Variants in EPG5 observed in about 807,000 individuals in gnomAD.
EPG5 encodes the protein ectopic P-granules 5 autophagy tethering factor.
A neutral mutation model predicts 302.7 loss-of-function variants in EPG5; 159 were observed. The ratio of observed to expected loss-of-function variants is 0.53; its 90% CI spans 0.46 to 0.60. The LOEUF (loss-of-function observed/expected upper bound fraction) is 0.60, where lower values mean the gene tolerates loss of function less well. EPG5 is among the 20% of genes least tolerant of loss of function. EPG5 has a pLI of 0.00. For synonymous variants in EPG5, 1,158 were observed against 1,136.8 expected (o/e 1.02, Z -0.37); for missense variants, 2,896 against 3,092.4 (o/e 0.94, Z 1.51).
rs372581222 is a variant in EPG5, at chr18:45,943,208, A to G, written c.1896T>C (p.Asn632=). 6.2e-7 allele frequency: 1 copy of G among 1,614,074 alleles called. No homozygotes were observed. The highest frequency in any genetic ancestry group is 1.1e-5 in the South Asian group (1 of 91,090). The change falls in exon 9 of 44, where the codon AAT becomes AAC. Residue 632 remains asparagine (N), a synonymous_variant. Transcript: ENST00000282041. ...TCACAAACTGCCTATAGCGTGCTCT[A>G]TTAAAGGTTTCTAACCCCACAGCCA... The part of the protein sequence containing the change: ...ELLAVGLETF[N]RARYRQFVKR...
the EPG5 span, among the ~76,000 whole-genome samples, chr18:45,810,178 C>T: frequency 6.6e-6 from 1 of 152,068 alleles, no homozygotes; most frequent in African/African-American, 2.4e-5. Context: ...GAATTAAACA[C>T]CCTGCACAGA....
chr18:45,810,235 C>T, the EPG5 span, among the ~76,000 whole-genome samples: 1 of 151,970 alleles, frequency 6.6e-6, no homozygotes, highest in African/African-American at 2.4e-5. Context: ...AAATTACCAA[C>T]AAAAAAAGGC....
chr18:45,807,904 T>A, the EPG5 span, among the ~76,000 whole-genome samples: 1 of 151,842 alleles, frequency 6.6e-6, no homozygotes, highest in Non-Finnish European at 1.5e-5. Flanking sequence ...GAAAAAGAAT[T>A]CAGGAGGTTA....
At chr18:45,868,997 G>T (rs2048812980) in intron 36 of EPG5, among the ~76,000 whole-genome samples, 1 of 151,276 alleles carries the variant, frequency 6.6e-6, no homozygotes, top group East Asian at 2.0e-4. Context: ...GGAGCTTGCA[G>T]TGAGCCAAGA....
At chr18:45,908,166 C>A (rs2049804428) in intron 23 of EPG5, 85 bp from the exon 24 acceptor site, 2 of 1,102,586 alleles carry the variant, frequency 1.8e-6, no homozygotes, top group Admixed American at 3.0e-5. Flanking sequence ...ACACTGGCAC[C>A]CCTACATAAG....
the EPG5 span, chr18:45,825,910 C>A: frequency 6.4e-6 from 7 of 1,090,368 alleles, no homozygotes; most frequent in Non-Finnish European, 8.1e-6. Flanking sequence ...GGAGGAAGAG[C>A]TGCGCTTGGG....
intron 4 of EPG5, among the ~76,000 whole-genome samples, chr18:45,950,759 A>G (rs59074776): frequency 0.024 from 3,596 of 152,306 alleles, 144 homozygotes; most frequent in African/African-American, 0.082. Context: ...GGAATTTTGG[A>G]TCATTTCAGA....
At chr18:45,943,137 AG>A in intron 9 of EPG5, 23 bp downstream of exon 9, 1 of 1,609,996 alleles carries the variant, frequency 6.2e-7, no homozygotes, top group Non-Finnish European at 8.5e-7. Flanking sequence ...GGAACAGAGA[AG>A]GGTAGAGCAA....
chr18:45,812,786 A>G, the EPG5 span, among the ~76,000 whole-genome samples: 3 of 152,170 alleles, frequency 2.0e-5, no homozygotes. Context: ...GATTAAAGAC[A>G]TAAAAGTTAG....
At chr18:45,894,851 C>T (rs542368456) in intron 27 of EPG5, among the ~76,000 whole-genome samples, 5 of 152,114 alleles carry the variant, frequency 3.3e-5, no homozygotes, top group East Asian at 1.9e-4. Context: ...TTATGAAGGG[C>T]GCTAAGGGTC....
chr18:45,933,866 GT>G (rs200791827), intron 11 of EPG5, among the ~76,000 whole-genome samples: 7 of 150,398 alleles, frequency 4.7e-5, no homozygotes, highest in Admixed American at 4.6e-4. Context: ...TATCTTTGGT[GT>G]TTTTTTTTAG....
chr18:45,866,952 ACAAG>A lies in EPG5; in HGVS notation c.6463_6466del (p.Leu2155TrpfsTer10). The A allele has an allele frequency of 6.2e-7, 1 of 1,614,236 alleles. No individual in the cohort carries two copies. The highest frequency in any genetic ancestry group is 8.5e-7 in the Non-Finnish European group (1 of 1,180,026). ...CACACTCTGGTACGACACAATATCC[ACAAG>A]ATGCCATGAAAGTGAGCTTGTCTGT... is the stretch of plus-strand genomic sequence containing the variant. On this transcript the variant is annotated frameshift_variant, in exon 38 of 44. Transcript: ENST00000282041. LOFTEE classifies it high-confidence loss of function.
Position 45,913,583 on chromosome 18 carries a change from T to G in EPG5, c.3816+123A>C, listed in dbSNP as rs944276791. ...ACACAGTTTTAAGTATTGGTTTGGT[T>G]GTTGAGCTTTCCAAACATTCACAAC... On this transcript the variant is annotated intron_variant, in intron 21 of 43. Transcript: ENST00000282041. 5.8e-6 allele frequency: 7 copies of G among 1,208,314 alleles called. No homozygotes were observed. In the Admixed American group the frequency reaches 1.5e-4, roughly 26 times the overall value. The allele number at this position is 1,208,314 out of a possible 1,614,324, so 74.8% of individuals were successfully genotyped here.
At chr18:45,823,174 A>G in the EPG5 span, among the ~76,000 whole-genome samples, 1 of 152,066 alleles carries the variant, frequency 6.6e-6, no homozygotes, top group African/African-American at 2.4e-5. Context: ...ATGGGGTGGG[A>G]GTGGTGGTAC....
chr18:45,954,400 A>G lies in EPG5; in HGVS notation c.1002T>C (p.Ser334=). ...RLWQFKEEQM[S]VQGICADQVK... ...AGGCTTCTGATCAAAATACCTGTAC[A>G]GACATTTGTTCCTCCTTAAACTGCC... The change falls in exon 2 of 44, where the codon TCT becomes TCC. Residue 334 remains serine (S), a synonymous_variant. Coordinates refer to ENST00000282041, the MANE Select transcript of EPG5 (RefSeq NM_020964.3). 1 of 1,603,170 alleles carries G rather than the reference A, an allele frequency of 6.2e-7. No individual in the cohort carries two copies. The highest frequency in any genetic ancestry group is 8.5e-7 in the Non-Finnish European group (1 of 1,175,128).
At chr18:45,868,323 GCCTTTTT>G (rs1247198182) in intron 36 of EPG5, among the ~76,000 whole-genome samples, 7 of 150,028 alleles carry the variant, frequency 4.7e-5, no homozygotes, top group African/African-American at 1.5e-4. Flanking sequence ...TATTTATATT[GCCTTTTT>G]CCTTTTTCCT....
At chr18:45,946,902 T>C in intron 6 of EPG5, 134 bp from the exon 7 acceptor site, 2 of 695,986 alleles carry the variant, frequency 2.9e-6, no homozygotes, top group Middle Eastern at 6.4e-4. Context: ...GAATAAGAAC[T>C]GGCCAAAAAC....
At chr18:45,826,776 T>A in the EPG5 span, among the ~76,000 whole-genome samples, 1 of 152,226 alleles carries the variant, frequency 6.6e-6, no homozygotes, top group Non-Finnish European at 1.5e-5. Flanking sequence ...CCCTCCCATC[T>A]GGCGTGTACT....
rs537576512 is a variant in EPG5, at chr18:45,911,052, A to AATCT, written c.3984-314_3984-311dup. ...AAAAACTAAAACAGAAGCGACTAAG[A>AATCT]ATCTATCTATCTATCTATCTATCTA... On this transcript the variant is annotated intron_variant, in intron 22 of 43. Transcript: ENST00000282041. 0.07 allele frequency among the ~76,000 whole-genome samples: 10,061 copies of AATCT among 143,998 alleles called. 352 individuals are homozygous for AATCT. Among genetic ancestry groups the AATCT allele is most frequent in the African/African-American group, 0.098 (3,669 of 37,442 alleles). 94.5% of individuals were successfully genotyped at this position (143,998 alleles called of 152,430 possible). A position where few individuals can be genotyped will look rare whatever the true frequency, so the allele number is the denominator to read the frequency against.
Sources: allele counts gnomAD v4.1 joint callset (sites outside exome capture counted in the v4.1 genomes callset), GRCh38; gene constraint gnomAD v4.1.1; transcripts MANE v1.5; gene names NCBI Gene and HGNC (gene_info 2026-07-23, HGNC 2026-07-21).